Variants in RAB11FIP4 observed in about 807,000 individuals in gnomAD.
RAB11FIP4 encodes RAB11 family interacting protein 4.
RAB11FIP4 carries 23 observed loss-of-function variants against 74.3 expected under a neutral mutation model. The observed-to-expected ratio is 0.31, with a 90% confidence interval of 0.22 to 0.44. The LOEUF is 0.44. RAB11FIP4 is among the 20% of genes least tolerant of loss of function. The probability of loss-of-function intolerance (pLI) is 1.00; values close to 1 mark genes in which losing one functional copy is unlikely to be tolerated. For missense variants in RAB11FIP4, 630 were observed against 863.9 expected, an observed-to-expected ratio of 0.73 and a Z score of 3.39; for synonymous variants, 360 against 359.9, an observed-to-expected ratio of 1.00 and a Z score of 0.00.
chr17:31,523,133 T>C, intron 7 of RAB11FIP4: 1 of 295,012 alleles, frequency 3.4e-6, no homozygotes, highest in Non-Finnish European at 6.7e-6. Context: ...CCAGACCCTC[T>C]TCCAGGGCCA....
chr17:31,452,900 C>T (rs1401094147), intron 3 of RAB11FIP4, among the ~76,000 whole-genome samples: 1 of 152,228 alleles, frequency 6.6e-6, no homozygotes, highest in Non-Finnish European at 1.5e-5. Flanking sequence ...GATGTTGCCC[C>T]TGCTGGAAGT....
intron 3 of RAB11FIP4, among the ~76,000 whole-genome samples, chr17:31,445,547 T>C (rs1228744680): frequency 2.0e-3 from 18 of 9,194 alleles, no homozygotes; most frequent in African/African-American, 5.7e-3. Flanking sequence ...TATATATATA[T>C]ATATATATAT....
At chr17:31,480,702 C>T (rs1367452576) in intron 3 of RAB11FIP4, among the ~76,000 whole-genome samples, 2 of 147,946 alleles carry the variant, frequency 1.4e-5, no homozygotes, top group East Asian at 2.1e-4. Flanking sequence ...GCACGAGTAT[C>T]GCTTGAACCC....
chr17:31,504,128 A>G (rs1034217722), intron 3 of RAB11FIP4, among the ~76,000 whole-genome samples: 2 of 141,068 alleles, frequency 1.4e-5, no homozygotes, highest in African/African-American at 5.8e-5. Context: ...GTTTACTACT[A>G]CTTCTTTTTT....
intron 1 of RAB11FIP4, among the ~76,000 whole-genome samples, chr17:31,407,494 A>G (rs1380519427): frequency 1.3e-5 from 2 of 152,216 alleles, no homozygotes; most frequent in Non-Finnish European, 2.9e-5. Flanking sequence ...TCCTGCCCAA[A>G]TGCAGTGCCA....
At chr17:31,517,143 A>T (rs933682682) in intron 3 of RAB11FIP4, among the ~76,000 whole-genome samples, 3 of 134,604 alleles carry the variant, frequency 2.2e-5, no homozygotes, top group African/African-American at 8.2e-5. Flanking sequence ...AGATACTCTC[A>T]GTTTTTCATC....
chr17:31,428,547 G>A (rs1288085179), intron 1 of RAB11FIP4, among the ~76,000 whole-genome samples: 1 of 152,128 alleles, frequency 6.6e-6, no homozygotes, highest in Non-Finnish European at 1.5e-5. Flanking sequence ...TTATTAGGGG[G>A]AGCGGCAAGA....
chr17:31,409,245 G>A (rs1299963831), intron 1 of RAB11FIP4, among the ~76,000 whole-genome samples: 3 of 152,082 alleles, frequency 2.0e-5, no homozygotes, highest in Non-Finnish European at 4.4e-5. Context: ...CTTAGGTTTA[G>A]GTCAATATTC....
intron 3 of RAB11FIP4, chr17:31,488,060 G>A: frequency 3.9e-6 from 4 of 1,016,880 alleles, no homozygotes; most frequent in Non-Finnish European, 4.7e-6. Flanking sequence ...GAGCCCTTCG[G>A]CCCACGCGGG....
intron 8 of RAB11FIP4, 122 bp downstream of exon 8, chr17:31,523,733 G>A: frequency 9.1e-7 from 1 of 1,098,444 alleles, no homozygotes; most frequent in African/African-American, 1.5e-5. Flanking sequence ...ATTGGGGGCA[G>A]GTGGCCCTGG....
intron 3 of RAB11FIP4, among the ~76,000 whole-genome samples, chr17:31,464,778 T>TTTTTA (rs2071668600): frequency 1.0e-4 from 13 of 125,182 alleles, no homozygotes; most frequent in African/African-American, 1.4e-4. Context: ...TTTTTTTTTT[T>TTTTTA]GAGACAAGGT....
chr17:31,505,234 C>T (rs866733102), intron 3 of RAB11FIP4, among the ~76,000 whole-genome samples: 4 of 150,220 alleles, frequency 2.7e-5, no homozygotes, highest in South Asian at 2.1e-4. Context: ...GGTGATTCTT[C>T]GGTATTGTGC....
intron 3 of RAB11FIP4, chr17:31,488,167 G>A (rs1421302837): frequency 1.2e-4 from 132 of 1,071,256 alleles, no homozygotes; most frequent in Non-Finnish European, 1.4e-4. Flanking sequence ...GCGCTTCGGG[G>A]CTGCCCGCCG....
chr17:31,513,895 C>T (rs2072497726), intron 3 of RAB11FIP4, among the ~76,000 whole-genome samples: 1 of 152,198 alleles, frequency 6.6e-6, no homozygotes, highest in Non-Finnish European at 1.5e-5. Context: ...GGCAGCCACT[C>T]TCCCACTCTG....
At chr17:31,392,466 G>C (rs976517310) in intron 1 of RAB11FIP4, 2 of 152,954 alleles carry the variant, frequency 1.3e-5, no homozygotes, top group African/African-American at 4.8e-5. Context: ...TTGGCTCCTC[G>C]GCTGCACACA....
intron 3 of RAB11FIP4, among the ~76,000 whole-genome samples, chr17:31,506,347 T>C (rs1489405120): frequency 6.6e-6 from 1 of 152,224 alleles, no homozygotes. Flanking sequence ...CAAATCAGGG[T>C]CATTAGCAAA....
intron 1 of RAB11FIP4, among the ~76,000 whole-genome samples, chr17:31,396,675 C>A (rs1249063524): frequency 1.3e-5 from 2 of 152,170 alleles, no homozygotes; most frequent in African/African-American, 4.8e-5. Context: ...GGTGTTCCTG[C>A]CCCTCTTACG....
In RAB11FIP4 at chr17:31,523,930, A is replaced by AT; in HGVS notation, c.1068dup (p.Asp357Ter). 6.2e-7 allele frequency: 1 copy of AT among 1,612,540 alleles called. No individual in the cohort carries two copies. Among genetic ancestry groups the AT allele is most frequent in the Non-Finnish European group, 8.5e-7 (1 of 1,179,504 alleles). ...GAAAAGAAGGTGACAGAGCTGGAGA[A>AT]TGACAGCCTGACCAATGGGGACCTG... On this transcript the variant is annotated frameshift_variant, in exon 9 of 15. Transcript: ENST00000621161. LOFTEE classifies it high-confidence loss of function.
chr17:31,485,559 C>T (rs1296745798), intron 3 of RAB11FIP4, among the ~76,000 whole-genome samples: 1 of 152,158 alleles, frequency 6.6e-6, no homozygotes, highest in Non-Finnish European at 1.5e-5. Flanking sequence ...TTAGGGGCAA[C>T]ATCGGACTTG....
Sources: gnomAD v4.1 joint callset for allele counts (sites outside exome capture counted in the v4.1 genomes callset) on GRCh38, gnomAD v4.1.1 for gene constraint, MANE v1.5 for transcripts, NCBI Gene and HGNC (gene_info 2026-07-23, HGNC 2026-07-21) for gene names.